HERC2: variants seen among roughly 807,000 people sequenced by gnomAD.
HERC2 encodes the protein E3 ubiquitin-protein ligase HERC2.
Under a neutral mutation model 537.7 loss-of-function variants are expected in HERC2, and 102 were observed. The observed-to-expected ratio is 0.19, with a 90% CI of 0.16 to 0.22. The LOEUF is 0.22. HERC2 is among the 10% of genes least tolerant of loss of function. The pLI, the probability that HERC2 is intolerant of heterozygous loss-of-function variation, is 1.00. For missense variants in HERC2, 4,236 were observed against 6,198.2 expected (o/e 0.68, Z 10.63); for synonymous variants, 2,224 against 2,466.2 (o/e 0.90, Z 2.91).
intron 35 of HERC2, among the ~76,000 whole-genome samples, chr15:28,224,715 G>A (rs1183596534): frequency 6.6e-6 from 1 of 152,098 alleles, no homozygotes; most frequent in Non-Finnish European, 1.5e-5. Context: ...TTCTTCTCAA[G>A]TATACCACAG....
At chr15:28,147,511 G>A (rs1891879926) in intron 70 of HERC2, among the ~76,000 whole-genome samples, 1 of 151,688 alleles carries the variant, frequency 6.6e-6, no homozygotes, top group Non-Finnish European at 1.5e-5. Context: ...GCTGGGCACG[G>A]CCTATAGTCC....
chr15:28,174,787 G>A (rs538464536), intron 64 of HERC2, among the ~76,000 whole-genome samples, 167 bp from the exon 65 acceptor site: 17 of 152,182 alleles, frequency 1.1e-4, no homozygotes, highest in Non-Finnish European at 1.9e-4. Flanking sequence ...TGGCATCAGC[G>A]TACTACAATT....
chr15:28,237,105 T>C lies in HERC2; in HGVS notation c.3861A>G (p.Gln1287=). 1 of 1,558,400 alleles carries C rather than the reference T, an allele frequency of 6.4e-7. No homozygotes were observed. Among genetic ancestry groups the C allele is most frequent in the Non-Finnish European group, 8.8e-7 (1 of 1,130,944 alleles). ...FCVGQYLEPD[Q]EIVTIPDLGS... The stretch of plus-strand genomic sequence containing the variant: ...CCAGATCTGGTATGGTGACGATTTC[T>C]TGGTCAGGCTGGAAAAATAAATTTC... Residue 1287 remains glutamine (Q), a synonymous_variant, in exon 26 of 93, where the codon CAA becomes CAG. Transcript: ENST00000261609.
At chr15:28,117,723 C>T in intron 86 of HERC2, 1 of 368,308 alleles carries the variant, frequency 2.7e-6, no homozygotes, top group South Asian at 2.0e-5. Context: ...AGCCTTGGGG[C>T]CACTCAGCCT....
In HERC2 at chr15:28,287,740, G is replaced by GTTTTTTTTTTTTTTT. The variant is rs1461307820; in HGVS notation, c.322+5147_322+5148insAAAAAAAAAAAAAAA. On this transcript the variant is annotated intron_variant, in intron 4 of 92. Coordinates refer to ENST00000261609, the MANE Select transcript of HERC2 (RefSeq NM_004667.6). ...TCCTCTTTTTTTTTTTTTTTTTTTG[G>GTTTTTTTTTTTTTTT]TTTGAGATGGAGTCTCACCCTGTCA... is the stretch of plus-strand genomic sequence containing the variant. Among the ~76,000 whole-genome samples the GTTTTTTTTTTTTTTT allele has an allele frequency of 1.9e-4, 27 of 141,048 alleles. 1 individual carries two copies. The highest frequency in any genetic ancestry group is 3.1e-4 in the Non-Finnish European group (21 of 66,826). The allele number at this position is 141,048 out of a possible 152,430, so 92.5% of individuals were successfully genotyped here.
chr15:28,170,947 CCTAT>C (rs1335446762), intron 65 of HERC2, among the ~76,000 whole-genome samples: 1 of 152,102 alleles, frequency 6.6e-6, no homozygotes, highest in Non-Finnish European at 1.5e-5. Flanking sequence ...GATACAATGA[CCTAT>C]CTATCAGTAT....
At chr15:28,120,271 T>C (rs930435950) in intron 86 of HERC2, among the ~76,000 whole-genome samples, 1 of 152,128 alleles carries the variant, frequency 6.6e-6, no homozygotes, top group East Asian at 1.9e-4. Context: ...TGTGGTCACA[T>C]GAGCTGTCCA....
intron 84 of HERC2, 138 bp from the exon 85 acceptor site, chr15:28,124,372 C>T (rs1889246899): frequency 8.4e-6 from 4 of 477,926 alleles, no homozygotes; most frequent in Non-Finnish European, 1.4e-5. Context: ...TTTGCACAAC[C>T]TCACTGTGCT....
At chr15:28,311,076 CA>C (rs71132854) in intron 2 of HERC2, among the ~76,000 whole-genome samples, 2,069 of 28,796 alleles carry the variant, frequency 0.072, 3 homozygotes, top group East Asian at 0.27. Flanking sequence ...GACTGCATCT[CA>C]AAAAAAAAAA....
At chr15:28,207,014 CAA>C (rs545800321) in intron 44 of HERC2, among the ~76,000 whole-genome samples, 2 of 135,766 alleles carry the variant, frequency 1.5e-5, no homozygotes, top group African/African-American at 2.7e-5. Context: ...CATCTCAAAA[CAA>C]AAAAAAAAAA....
Position 28,210,694 on chromosome 15 carries a change from C to T in HERC2, c.7069+308G>A, listed in dbSNP as rs141799399. Among the ~76,000 whole-genome samples, 250 of 152,104 alleles carry T rather than the reference C, an allele frequency of 1.6e-3. 1 individual carries two copies. The highest frequency in any genetic ancestry group is 5.7e-3 in the African/African-American group (238 of 41,538). On this transcript the variant is annotated intron_variant, in intron 44 of 92. Transcript: ENST00000261609. ...GGCTCTATTTCTTTGGTCTGGGGTGCGGCCTGGGAGTCTGCATTTCTAACA... is the reference window on the plus strand; with the variant it reads ...GGCTCTATTTCTTTGGTCTGGGGTGTGGCCTGGGAGTCTGCATTTCTAACA...
chr15:28,194,051 T>C (rs974116258), intron 52 of HERC2, among the ~76,000 whole-genome samples: 2 of 151,450 alleles, frequency 1.3e-5, no homozygotes, highest in African/African-American at 2.4e-5. Flanking sequence ...CCCACATGTA[T>C]TGTTTGATCC....
At chr15:28,224,794 A>G (rs1446267358) in intron 35 of HERC2, among the ~76,000 whole-genome samples, 3 of 152,220 alleles carry the variant, frequency 2.0e-5, no homozygotes, top group Non-Finnish European at 4.4e-5. Context: ...GACTAAAATC[A>G]TACAAATTAC....
In HERC2 at chr15:28,186,567, T is replaced by C; in HGVS notation, c.8825+10A>G. On this transcript the variant is annotated intron_variant, in intron 56 of 92. Transcript: ENST00000261609. Reference sequence around the variant, plus strand: ...GAGGTAAGTGAGCACCTGTAACAAATGGTTCTCACCTTCCGCTGTTGCCTT... The same window carrying C: ...GAGGTAAGTGAGCACCTGTAACAAACGGTTCTCACCTTCCGCTGTTGCCTT... The C allele has an allele frequency of 1.2e-6, 2 of 1,610,578 alleles. No individual in the cohort carries two copies. Among genetic ancestry groups the C allele is most frequent in the Non-Finnish European group, 1.7e-6 (2 of 1,177,686 alleles).
At chr15:28,126,691 T>C (rs1889526903) in intron 83 of HERC2, among the ~76,000 whole-genome samples, 1 of 151,980 alleles carries the variant, frequency 6.6e-6, no homozygotes. Context: ...AATGACACAA[T>C]GGACTTTGGA....
At chr15:28,319,324 G>A (rs1159377302) in intron 2 of HERC2, among the ~76,000 whole-genome samples, 28 of 152,146 alleles carry the variant, frequency 1.8e-4, no homozygotes, top group African/African-American at 6.5e-4. Context: ...AGTGGCTCAC[G>A]CCTGTAATCC....
chr15:28,174,700 C>T, intron 64 of HERC2, 80 bp from the exon 65 acceptor site: 3 of 1,183,622 alleles, frequency 2.5e-6, no homozygotes, highest in Non-Finnish European at 2.4e-6. Context: ...CTTCAAAATG[C>T]TTAACGCGTA....
chr15:28,199,845 T>C (rs147829521), intron 48 of HERC2, among the ~76,000 whole-genome samples: 6 of 152,278 alleles, frequency 3.9e-5, no homozygotes, highest in East Asian at 1.9e-4. Context: ...AGGAAGATGT[T>C]AGCCACAAGG....
intron 65 of HERC2, among the ~76,000 whole-genome samples, chr15:28,174,116 C>T (rs1428510190): frequency 7.8e-4 from 118 of 152,198 alleles, no homozygotes; most frequent in African/African-American, 2.3e-3. Flanking sequence ...GTGCCTGTAT[C>T]TCTCAGGCAG....
Sources: allele counts gnomAD v4.1 joint callset (sites outside exome capture counted in the v4.1 genomes callset), GRCh38; gene constraint gnomAD v4.1.1; transcripts MANE v1.5; gene names NCBI Gene and HGNC (gene_info 2026-07-23, HGNC 2026-07-21).